KIF26B: variants seen among roughly 807,000 people sequenced by gnomAD.
KIF26B encodes kinesin family member 26B.
Under a neutral mutation model 151.2 loss-of-function variants are expected in KIF26B, and 63 were observed. That is an observed-to-expected ratio of 0.42 (90% CI 0.34 to 0.51). KIF26B has a LOEUF of 0.51. Among genes scored for constraint, KIF26B ranks in the 20% least tolerant of loss-of-function variants. The probability of loss-of-function intolerance (pLI) is 0.07; values close to 1 mark genes in which losing one functional copy is unlikely to be tolerated. For synonymous variants in KIF26B, 1,357 were observed against 1,262.1 expected, an observed-to-expected ratio of 1.08 and a Z score of -1.59; for missense variants, 2,813 against 2,913.6, an observed-to-expected ratio of 0.97 and a Z score of 0.79.
At chr1:245,315,018 TA>T (rs1167099811) in intron 2 of KIF26B, among the ~76,000 whole-genome samples, 1 of 151,718 alleles carries the variant, frequency 6.6e-6, no homozygotes, top group Non-Finnish European at 1.5e-5. Context: ...CCGTCTCTAC[TA>T]AAAATACAAA....
intron 2 of KIF26B, among the ~76,000 whole-genome samples, chr1:245,173,445 T>C (rs1477124264): frequency 1.3e-5 from 2 of 152,144 alleles, no homozygotes; most frequent in African/African-American, 4.8e-5. Flanking sequence ...TGTGCACTGG[T>C]CGCCCAGTGA....
chr1:245,554,103 C>T (rs1186567570), intron 5 of KIF26B, among the ~76,000 whole-genome samples: 1 of 152,152 alleles, frequency 6.6e-6, no homozygotes, highest in African/African-American at 2.4e-5. Flanking sequence ...CTGTCCCCTA[C>T]TGAGCCCCCT....
At chr1:245,566,893 C>G (rs2043015453) in intron 5 of KIF26B, among the ~76,000 whole-genome samples, 1 of 152,174 alleles carries the variant, frequency 6.6e-6, no homozygotes, top group South Asian at 2.1e-4. Flanking sequence ...CACCACTGCA[C>G]TCCAGCCTGG....
chr1:245,632,457 A>C (rs1303191724), intron 9 of KIF26B, among the ~76,000 whole-genome samples: 1 of 152,228 alleles, frequency 6.6e-6, no homozygotes, highest in African/African-American at 2.4e-5. Flanking sequence ...ATCATGGAGA[A>C]TATTCCATGT....
intron 12 of KIF26B, 43 bp downstream of exon 12, chr1:245,688,850 G>A: frequency 6.6e-7 from 1 of 1,523,726 alleles, no homozygotes; most frequent in Non-Finnish European, 8.8e-7. Context: ...AGGGCGGCAG[G>A]TGGGCGAGCT....
chr1:245,462,317 ACATGTGGAAAGAATGCCG>A (rs1659665535), intron 4 of KIF26B, among the ~76,000 whole-genome samples: 1 of 152,128 alleles, frequency 6.6e-6, no homozygotes, highest in Non-Finnish European at 1.5e-5. Context: ...TGGCTTCGAG[ACATGTGGAAAGAATGCCG>A]CCATTACATA....
intron 10 of KIF26B, among the ~76,000 whole-genome samples, chr1:245,652,253 T>C (rs6669636): frequency 0.57 from 85,852 of 151,832 alleles, 24,581 homozygotes; most frequent in Middle Eastern, 0.64. Context: ...GCACAAACTC[T>C]AGATACCAGT....
rs189615869 is a variant in KIF26B at position 245,546,797 on chromosome 1, A to C, written c.1350+5847A>C. On this transcript the variant is annotated intron_variant, in intron 5 of 14. Transcript: ENST00000407071. ...ATAATACCTATTCATCACTATAGCT[A>C]GCCTGATAGCTTTGTAAATTAAATT... Among the ~76,000 whole-genome samples the C allele has an allele frequency of 4.5e-4, 68 of 152,348 alleles. 1 individual carries two copies. Among genetic ancestry groups the C allele is most frequent in the African/African-American group, 1.6e-3 (66 of 41,574 alleles).
chr1:245,184,339 C>T (rs1239836898), intron 2 of KIF26B, among the ~76,000 whole-genome samples: 1 of 151,938 alleles, frequency 6.6e-6, no homozygotes, highest in African/African-American at 2.4e-5. Context: ...ACATCTTGGA[C>T]ATATTGCAAG....
At chr1:245,669,031 G>T (rs1173949026) in intron 10 of KIF26B, among the ~76,000 whole-genome samples, 1 of 152,148 alleles carries the variant, frequency 6.6e-6, no homozygotes, top group African/African-American at 2.4e-5. Flanking sequence ...TACCCAGAAG[G>T]CATCATAATA....
At position 245,704,264 on chromosome 1, in the gene KIF26B, A is replaced by T. The variant is rs1309873404; in HGVS notation, c.*1658A>T. ...TTTATTTCCAAGCTAGGCTGTCTTT[A>T]TTAACCAACAACTCAGCCCCAGCCA... On this transcript the variant is annotated 3_prime_UTR_variant, in exon 15 of 15. Coordinates refer to ENST00000407071, the MANE Select transcript of KIF26B (RefSeq NM_018012.4). The T allele has an allele frequency of 6.6e-6, 1 of 152,292 alleles. No homozygotes were observed. The allele number at this position is 152,292 out of a possible 1,614,324, so 9.4% of individuals were successfully genotyped here.
At chr1:245,322,404 A>T (rs1671907949) in intron 2 of KIF26B, among the ~76,000 whole-genome samples, 1 of 152,136 alleles carries the variant, frequency 6.6e-6, no homozygotes, top group Admixed American at 6.5e-5. Context: ...AATAAATAAA[A>T]ATCACACACA....
intron 2 of KIF26B, among the ~76,000 whole-genome samples, chr1:245,213,043 A>AG (rs1669575879): frequency 6.6e-6 from 1 of 152,178 alleles, no homozygotes; most frequent in South Asian, 2.1e-4. Context: ...TGGCTTTCCA[A>AG]GGGGGGAGCA....
chr1:245,688,475 C>T lies in KIF26B; in HGVS notation c.5492C>T (p.Ala1831Val). The T allele has an allele frequency of 1.4e-6, 2 of 1,379,714 alleles. No homozygotes were observed. The highest frequency in any genetic ancestry group is 3.5e-5 in the South Asian group (2 of 57,872). The allele number at this position is 1,379,714 out of a possible 1,614,324, so 85.5% of individuals were successfully genotyped here. ...LQLRAGPEAE[A>V]RGGALAEDEP... Reference sequence around the variant, plus strand: ...CTGCGGGCCGGGCCCGAGGCGGAGGCGCGCGGGGGGGCCCTGGCCGAGGAC... The same window carrying T: ...CTGCGGGCCGGGCCCGAGGCGGAGGTGCGCGGGGGGGCCCTGGCCGAGGAC... The change falls in exon 12 of 15, where the codon GCG becomes GTG. Residue 1831 changes from alanine to valine, a missense_variant. Ala to Val is a moderately conservative substitution (Grantham distance 64). This residue lies in a region of KIF26B where 2,060 missense variants were observed against 2,088.6 expected (regional missense o/e 0.99). Transcript: ENST00000407071.
chr1:245,577,362 G>A (rs1453098910), intron 5 of KIF26B, among the ~76,000 whole-genome samples: 1 of 151,166 alleles, frequency 6.6e-6, no homozygotes, highest in African/African-American at 2.4e-5. Flanking sequence ...CATAAGACAC[G>A]GGTGTCCCGA....
intron 1 of KIF26B, 124 bp downstream of exon 1, chr1:245,155,611 C>T: frequency 1.2e-6 from 1 of 825,750 alleles, no homozygotes; most frequent in Non-Finnish European, 1.8e-6. Context: ...GCCCCCGGGG[C>T]TGGCGGGGTT....
At chr1:245,395,978 C>T (rs567048504) in intron 3 of KIF26B, among the ~76,000 whole-genome samples, 1 of 152,292 alleles carries the variant, frequency 6.6e-6, no homozygotes, top group Non-Finnish European at 1.5e-5. Context: ...GTAAAAAATT[C>T]ACAACTGTGG....
intron 2 of KIF26B, among the ~76,000 whole-genome samples, chr1:245,297,946 G>A (rs1410803568): frequency 6.6e-6 from 1 of 152,132 alleles, no homozygotes; most frequent in Non-Finnish European, 1.5e-5. Flanking sequence ...GAGTGCAGTG[G>A]TGTGATGTTG....
intron 10 of KIF26B, among the ~76,000 whole-genome samples, chr1:245,666,629 C>T (rs2044218344): frequency 6.6e-6 from 1 of 152,090 alleles, no homozygotes. Context: ...ACAAGACCTC[C>T]CAAAGGCTAA....
Sources: allele counts gnomAD v4.1 joint callset (sites outside exome capture counted in the v4.1 genomes callset), GRCh38; gene constraint gnomAD v4.1.1; regional missense constraint gnomAD v4.1.1; transcripts MANE v1.5; gene names NCBI Gene and HGNC (gene_info 2026-07-23, HGNC 2026-07-21).